The following HS6ST3 variants were observed in gnomAD, a reference collection of about 807,000 sequenced individuals.
HS6ST3 encodes the protein heparan sulfate 6-O-sulfotransferase 3.
Under a neutral mutation model 36.7 loss-of-function variants are expected in HS6ST3, and 12 were observed. The observed-to-expected ratio is 0.33, with a 90% CI of 0.21 to 0.53. The LOEUF (loss-of-function observed/expected upper bound fraction) is 0.53, where lower values mean the gene tolerates loss of function less well. Among genes scored for constraint, HS6ST3 ranks in the 20% least tolerant of loss-of-function variants. The pLI, the probability that HS6ST3 is intolerant of heterozygous loss-of-function variation, is 0.95. For missense variants in HS6ST3, 584 were observed against 640.9 expected, an observed-to-expected ratio of 0.91 and a Z score of 0.96; for synonymous variants, 240 against 257.5, an observed-to-expected ratio of 0.93 and a Z score of 0.65.
intron 1 of HS6ST3, among the ~76,000 whole-genome samples, chr13:96,723,089 G>A (rs1875893308): frequency 6.6e-6 from 1 of 151,762 alleles, no homozygotes; most frequent in African/African-American, 2.4e-5. Flanking sequence ...TATACCCAAT[G>A]TCTCTGTTAT....
rs114668251 is a variant in HS6ST3, at chr13:96,831,424, G to T, written c.708-1066G>T. 7.7e-3 allele frequency among the ~76,000 whole-genome samples: 1,165 copies of T among 152,248 alleles called. 22 individuals are homozygous for T. Among genetic ancestry groups the T allele is most frequent in the African/African-American group, 0.027 (1,130 of 41,536 alleles). ...AGGCCTAACTTAGACTGCAGGTCAG[G>T]TATTAACTTGCTCCAGTGTCACTTT... On this transcript the variant is annotated intron_variant, in intron 1 of 1. Transcript: ENST00000376705.
chr13:96,331,948 G>T (rs1442771830), intron 1 of HS6ST3, among the ~76,000 whole-genome samples: 1 of 152,178 alleles, frequency 6.6e-6, no homozygotes, highest in Non-Finnish European at 1.5e-5. Context: ...GATTTTCCAG[G>T]TGCCGTCAGT....
chr13:96,268,007 CAA>C (rs1035057950), intron 1 of HS6ST3, among the ~76,000 whole-genome samples: 1 of 151,738 alleles, frequency 6.6e-6, no homozygotes, highest in Non-Finnish European at 1.5e-5. Flanking sequence ...CACTCAAGTG[CAA>C]AGAGAGAGAG....
chr13:96,290,133 T>C lies in HS6ST3; in HGVS notation c.707+198564T>C, dbSNP rs150106166. On this transcript the variant is annotated intron_variant, in intron 1 of 1. Transcript: ENST00000376705. The stretch of plus-strand genomic sequence containing the variant: ...CTATGGGCAGTTAGCTTGCAGAGGG[T>C]GTCACTAGAGCTCCTTAATGCTCCC... Among the ~76,000 whole-genome samples, 405 of 151,934 alleles carry C rather than the reference T, an allele frequency of 2.7e-3. 2 individuals are homozygous for C. Among genetic ancestry groups the C allele is most frequent in the African/African-American group, 9.3e-3 (387 of 41,464 alleles).
chr13:96,324,791 G>GGA (rs2139416896), intron 1 of HS6ST3, among the ~76,000 whole-genome samples: 1 of 152,294 alleles, frequency 6.6e-6, no homozygotes, highest in East Asian at 1.9e-4. Flanking sequence ...AGTAGCTAGG[G>GGA]GAGAGGCCTA....
intron 1 of HS6ST3, among the ~76,000 whole-genome samples, chr13:96,519,772 A>G (rs1371250042): frequency 2.6e-5 from 4 of 152,192 alleles, no homozygotes; most frequent in Non-Finnish European, 5.9e-5. Context: ...AGAAGGCAAA[A>G]TGATACCACT....
At chr13:96,160,369 T>C (rs904059769) in intron 1 of HS6ST3, among the ~76,000 whole-genome samples, 7 of 152,212 alleles carry the variant, frequency 4.6e-5, no homozygotes, top group Non-Finnish European at 1.0e-4. Flanking sequence ...AGTTATGTTC[T>C]AGAAGCTCTT....
intron 1 of HS6ST3, among the ~76,000 whole-genome samples, chr13:96,650,819 A>T (rs550184204): frequency 6.6e-6 from 1 of 152,210 alleles, no homozygotes; most frequent in East Asian, 1.9e-4. Context: ...TAAGTCTAGT[A>T]AAACTATATA....
chr13:96,381,690 T>TA, intron 1 of HS6ST3, among the ~76,000 whole-genome samples: 1 of 152,318 alleles, frequency 6.6e-6, no homozygotes, highest in South Asian at 2.1e-4. Context: ...GAGGTCTGGA[T>TA]AGCTGTGGCT....
At chr13:96,449,293 A>G (rs2055715442) in intron 1 of HS6ST3, among the ~76,000 whole-genome samples, 1 of 152,164 alleles carries the variant, frequency 6.6e-6, no homozygotes, top group Non-Finnish European at 1.5e-5. Context: ...GACCATGCTT[A>G]CTATGAACTC....
intron 1 of HS6ST3, among the ~76,000 whole-genome samples, chr13:96,158,597 G>A (rs900473941): frequency 7.4e-6 from 1 of 135,760 alleles, no homozygotes; most frequent in Admixed American, 8.5e-5. Flanking sequence ...AGATTGCAGT[G>A]AGCCATGATC....
chr13:96,666,250 C>A (rs1043680767), intron 1 of HS6ST3, among the ~76,000 whole-genome samples: 3 of 152,150 alleles, frequency 2.0e-5, no homozygotes, highest in African/African-American at 7.2e-5. Flanking sequence ...TGGGGGTAAG[C>A]CCCACCATGA....
intron 1 of HS6ST3, among the ~76,000 whole-genome samples, chr13:96,184,662 T>G (rs1219118211): frequency 2.0e-5 from 3 of 152,092 alleles, no homozygotes; most frequent in Non-Finnish European, 4.4e-5. Context: ...CCCCTCATCT[T>G]TCAGGACTTC....
rs149830373 is a variant in HS6ST3, at chr13:96,432,048, G to A, written c.707+340479G>A. Among the ~76,000 whole-genome samples the A allele has an allele frequency of 4.6e-5, 7 of 152,274 alleles. No homozygotes were observed. In the East Asian group the frequency reaches 1.4e-3, roughly 29 times the overall value. The stretch of plus-strand genomic sequence containing the variant: ...CAGGTTCAAATCTCTCCAACCAGAA[G>A]TGGGTGTTATTCTGGCCCCTTCCCA... On this transcript the variant is annotated intron_variant, in intron 1 of 1. Transcript: ENST00000376705.
chr13:96,316,152 A>G (rs559420789), intron 1 of HS6ST3, among the ~76,000 whole-genome samples: 1 of 152,330 alleles, frequency 6.6e-6, no homozygotes, highest in East Asian at 1.9e-4. Context: ...GATTATATTT[A>G]TATATATGCA....
At chr13:96,275,761 G>A (rs1290592036) in intron 1 of HS6ST3, among the ~76,000 whole-genome samples, 1 of 151,926 alleles carries the variant, frequency 6.6e-6, no homozygotes, top group African/African-American at 2.4e-5. Context: ...TTTTATGCAA[G>A]GCTCAAGGTG....
Position 96,580,979 on chromosome 13 carries a change from G to A in HS6ST3, c.708-251511G>A, listed in dbSNP as rs777780763. Among the ~76,000 whole-genome samples, 162 of 152,112 alleles carry A rather than the reference G, an allele frequency of 1.1e-3. 4 individuals carry two copies. Among genetic ancestry groups the A allele is most frequent in the Non-Finnish European group, 2.8e-4 (19 of 68,022 alleles). ...ATTGGTGATAGAATCAAATTTACCTGTAGAATAAAATGAGATAGAATGGTT... is the reference window on the plus strand; with the variant it reads ...ATTGGTGATAGAATCAAATTTACCTATAGAATAAAATGAGATAGAATGGTT... On this transcript the variant is annotated intron_variant, in intron 1 of 1. Transcript: ENST00000376705.
At chr13:96,782,096 T>C (rs1437495061) in intron 1 of HS6ST3, among the ~76,000 whole-genome samples, 1 of 152,236 alleles carries the variant, frequency 6.6e-6, no homozygotes, top group Non-Finnish European at 1.5e-5. Flanking sequence ...TATTGTGAAC[T>C]TTCATGTTTG....
intron 1 of HS6ST3, among the ~76,000 whole-genome samples, chr13:96,404,904 C>A (rs932481018): frequency 6.6e-6 from 1 of 152,116 alleles, no homozygotes; most frequent in Non-Finnish European, 1.5e-5. Flanking sequence ...ATTATGGGGG[C>A]GGATCTTTCC....
Sources: allele counts gnomAD v4.1 joint callset (sites outside exome capture counted in the v4.1 genomes callset), GRCh38; gene constraint gnomAD v4.1.1; transcripts MANE v1.5; gene names NCBI Gene and HGNC (gene_info 2026-07-23, HGNC 2026-07-21).